RIMS2: variants seen among roughly 807,000 people sequenced by gnomAD.
RIMS2 encodes regulating synaptic membrane exocytosis protein 2.
A neutral mutation model predicts 174.4 loss-of-function variants in RIMS2; 59 were observed. That is an observed-to-expected ratio of 0.34 (90% CI 0.27 to 0.42). RIMS2 has a LOEUF of 0.42. Among genes scored for constraint, RIMS2 ranks in the 10% least tolerant of loss-of-function variants. The pLI, the probability that RIMS2 is intolerant of heterozygous loss-of-function variation, is 1.00. For synonymous variants in RIMS2, 606 were observed against 572.5 expected (o/e 1.06, Z -0.84); for missense variants, 1,620 against 1,666.3 (o/e 0.97, Z 0.48).
chr8:103,992,451 G>T (rs1565727803), intron 17 of RIMS2, among the ~76,000 whole-genome samples: 1 of 151,610 alleles, frequency 6.6e-6, no homozygotes, highest in African/African-American at 2.4e-5. Context: ...TTGTTTGTTT[G>T]TTTGTTTTTT....
chr8:103,720,731 C>A (rs1035075280), intron 2 of RIMS2, among the ~76,000 whole-genome samples: 1 of 152,102 alleles, frequency 6.6e-6, no homozygotes, highest in Non-Finnish European at 1.5e-5. Context: ...AGACAGCATA[C>A]TATTCAATAA....
chr8:103,666,893 G>A (rs957470368), intron 1 of RIMS2, among the ~76,000 whole-genome samples: 5 of 152,124 alleles, frequency 3.3e-5, no homozygotes, highest in African/African-American at 1.2e-4. Context: ...AGGTTATGGT[G>A]TTCTCATAAT....
intron 19 of RIMS2, among the ~76,000 whole-genome samples, chr8:104,058,555 A>G (rs2096917143): frequency 6.7e-6 from 1 of 150,060 alleles, no homozygotes; most frequent in Non-Finnish European, 1.5e-5. Flanking sequence ...TTTGCTGTGC[A>G]GAAGCTCTTT....
intron 3 of RIMS2, chr8:103,880,587 C>T (rs2099162463): frequency 4.6e-6 from 2 of 437,558 alleles, no homozygotes; most frequent in Non-Finnish European, 8.2e-6. Flanking sequence ...ATGATTTTGC[C>T]AGGGCTAGAA....
chr8:103,696,034 A>G (rs982762628), intron 1 of RIMS2, among the ~76,000 whole-genome samples: 2 of 152,134 alleles, frequency 1.3e-5, no homozygotes, highest in African/African-American at 4.8e-5. Flanking sequence ...ATTTTTGGTC[A>G]TAATCCCTTC....
At chr8:103,778,524 C>T (rs968351281) in intron 3 of RIMS2, among the ~76,000 whole-genome samples, 10 of 152,046 alleles carry the variant, frequency 6.6e-5, no homozygotes, top group African/African-American at 2.4e-4. Flanking sequence ...GTCTTCTGTG[C>T]TTGGCTTATT....
At chr8:103,912,995 T>C (rs991308324) in intron 6 of RIMS2, among the ~76,000 whole-genome samples, 2 of 132,268 alleles carry the variant, frequency 1.5e-5, no homozygotes, top group Admixed American at 7.9e-5. Flanking sequence ...TTTTTTGAGA[T>C]GGAGTCTCGC....
chr8:103,935,799 C>T (rs117505126), intron 12 of RIMS2, among the ~76,000 whole-genome samples: 7,690 of 152,124 alleles, frequency 0.051, 269 homozygotes, highest in Non-Finnish European at 0.072. Flanking sequence ...AAAATTTTTA[C>T]TTTATTATTT....
At chr8:103,522,516 T>C (rs568344636) in intron 1 of RIMS2, among the ~76,000 whole-genome samples, 1 of 152,236 alleles carries the variant, frequency 6.6e-6, no homozygotes, top group African/African-American at 2.4e-5. Flanking sequence ...TTGATAACAA[T>C]GAAGCCTGGG....
exon 13 of RIMS2, chr8:103,936,708 G>A: frequency 6.2e-7 from 1 of 1,603,912 alleles, no homozygotes; most frequent in Non-Finnish European, 8.5e-7. Context: ...GGAAGAAAGT[G>A]AATTCTTAGG....
intron 15 of RIMS2, among the ~76,000 whole-genome samples, chr8:103,973,485 A>G (rs2093113776): frequency 6.6e-6 from 1 of 152,230 alleles, no homozygotes; most frequent in African/African-American, 2.4e-5. Context: ...AGTCATGTTA[A>G]ATTTTATGCA....
At chr8:103,760,612 T>G (rs2098100523) in intron 2 of RIMS2, among the ~76,000 whole-genome samples, 1 of 152,216 alleles carries the variant, frequency 6.6e-6, no homozygotes, top group Non-Finnish European at 1.5e-5. Context: ...GTTGAGCCTC[T>G]GGATTTCCAG....
At chr8:103,968,384 C>T (rs1449929380) in intron 15 of RIMS2, among the ~76,000 whole-genome samples, 1 of 151,394 alleles carries the variant, frequency 6.6e-6, no homozygotes. Context: ...TACCCTTATT[C>T]ATTGTTTATT....
intron 2 of RIMS2, among the ~76,000 whole-genome samples, chr8:103,737,496 T>TTCTTAATTGG (rs540214703): frequency 6.6e-6 from 1 of 152,020 alleles, no homozygotes; most frequent in Admixed American, 6.6e-5. Flanking sequence ...CTGGAATAAC[T>TTCTTAATTGG]TCTTAATTGG....
chr8:104,044,370 A>C lies in RIMS2; in HGVS notation c.3334+29755A>C, dbSNP rs555848953. Among the ~76,000 whole-genome samples the C allele has an allele frequency of 2.6e-5, 4 of 151,542 alleles. No homozygotes were observed. The South Asian group carries it at 8.3e-4, about 31-fold the overall frequency. On this transcript the variant is annotated intron_variant, in intron 19 of 23. Transcript: ENST00000504942. ...TAGCAAAACAAGGAGAATAATAAGG[A>C]ATTTAAGCTTAGAGGGGGAAGAAAA... is the stretch of plus-strand genomic sequence containing the variant.
intron 1 of RIMS2, chr8:103,568,797 G>C (rs1358277071): frequency 8.8e-7 from 1 of 1,142,176 alleles, no homozygotes; most frequent in Non-Finnish European, 1.3e-6. Flanking sequence ...TGCTGTTTGT[G>C]CAATCAGTGC....
chr8:104,092,260 G>A (rs2097674411), intron 19 of RIMS2, among the ~76,000 whole-genome samples: 1 of 151,638 alleles, frequency 6.6e-6, no homozygotes, highest in Non-Finnish European at 1.5e-5. Flanking sequence ...TGTTTATTAA[G>A]TAATTATTCT....
In RIMS2 at chr8:104,030,188, G is replaced by T. The variant is rs556643141; in HGVS notation, c.3334+15573G>T. ...GTATGGCATGGTGAAACTCTATAGG[G>T]ATTAAAATACACATAGAGCCTGGCA... On this transcript the variant is annotated intron_variant, in intron 19 of 23. Coordinates refer to ENST00000504942, the Ensembl canonical transcript of RIMS2. Among the ~76,000 whole-genome samples, 55 of 152,164 alleles carry T rather than the reference G, an allele frequency of 3.6e-4. 2 individuals carry two copies. In the South Asian group the frequency reaches 0.01, roughly 28 times the overall value.
chr8:104,017,329 A>AT (rs770498973), intron 19 of RIMS2, among the ~76,000 whole-genome samples: 1 of 151,818 alleles, frequency 6.6e-6, no homozygotes, highest in African/African-American at 2.4e-5. Flanking sequence ...TGAAATATTT[A>AT]TTTTCAAATC....
Sources: gnomAD v4.1 joint callset for allele counts (sites outside exome capture counted in the v4.1 genomes callset) on GRCh38, gnomAD v4.1.1 for gene constraint, MANE v1.5 for transcripts, NCBI Gene and HGNC (gene_info 2026-07-23, HGNC 2026-07-21) for gene names.